Variants in LRRC61 observed in about 807,000 individuals in gnomAD.
The protein encoded by LRRC61 is leucine rich repeat containing 61.
In LRRC61, 9 loss-of-function variants were observed where a neutral mutation model predicts 15.1. The ratio of observed to expected loss-of-function variants is 0.60; its 90% CI spans 0.36 to 1.04. The LOEUF (loss-of-function observed/expected upper bound fraction) is 1.04, where lower values mean the gene tolerates loss of function less well. Among genes scored for constraint, LRRC61 ranks in the 50% least tolerant of loss-of-function variants. LRRC61 has a pLI of 0.01. For synonymous variants in LRRC61, 173 were observed against 158.6 expected (o/e 1.09, Z -0.68); for missense variants, 344 against 335.6 (o/e 1.03, Z -0.20).
the LRRC61 span, among the ~76,000 whole-genome samples, chr7:150,310,316 C>A: frequency 5.3e-5 from 8 of 152,116 alleles, no homozygotes; most frequent in Admixed American, 4.6e-4. Flanking sequence ...AACCTAATCA[C>A]CCTTACCCTG....
Position 150,337,243 on chromosome 7 carries a change from C to T in LRRC61, c.382C>T (p.Arg128Trp), listed in dbSNP as rs766204413. The T allele has an allele frequency of 1.3e-5, 21 of 1,603,884 alleles. 1 individual carries two copies. Among genetic ancestry groups the T allele is most frequent in the East Asian group, 4.5e-5 (2 of 44,888 alleles). Reference sequence around the variant, plus strand: ...TGGGCTACCGTGCCTGGAGTACCTGCGGCTCCGAGACCCTTTGGCCCGGCT... The same window carrying T: ...TGGGCTACCGTGCCTGGAGTACCTGTGGCTCCGAGACCCTTTGGCCCGGCT... ...LAGLPCLEYL[R>W]LRDPLARLSN... Residue 128 changes from arginine (R) to tryptophan (W), a missense_variant, in exon 3 of 3, where the codon CGG becomes TGG. Arg to Trp is a moderately radical substitution (Grantham distance 101). Transcript: ENST00000359623.
At chr7:150,328,066 TC>T (rs1445677723) in intron 2 of LRRC61, among the ~76,000 whole-genome samples, 3 of 152,226 alleles carry the variant, frequency 2.0e-5, no homozygotes, top group African/African-American at 7.2e-5. Context: ...CCTGACTTCT[TC>T]AGGCTGTTCT....
intron 2 of LRRC61, among the ~76,000 whole-genome samples, chr7:150,327,476 T>C (rs992074338): frequency 6.6e-6 from 1 of 152,174 alleles, no homozygotes. Flanking sequence ...AACATGGGGT[T>C]ACATTCATCT....
At chr7:150,323,848 C>G in intron 1 of LRRC61, 1 of 385,918 alleles carries the variant, frequency 2.6e-6, no homozygotes, top group South Asian at 1.9e-5. Context: ...TGTGCTGGAG[C>G]AGGATCACGG....
intron 1 of LRRC61, among the ~76,000 whole-genome samples, chr7:150,325,398 G>A (rs1187940263): frequency 1.3e-5 from 2 of 152,274 alleles, no homozygotes; most frequent in Non-Finnish European, 2.9e-5. Context: ...CAGCTTAGAA[G>A]CCCTTGGAAT....
Position 150,330,018 on chromosome 7 carries a change from G to A in LRRC61, c.-145+4008G>A, listed in dbSNP as rs1798054501. 2 of 185,182 alleles carry A rather than the reference G, an allele frequency of 1.1e-5. No homozygotes were observed. Among genetic ancestry groups the A allele is most frequent in the South Asian group, 1.3e-4 (1 of 7,894 alleles). 11.5% of individuals were successfully genotyped at this position (185,182 alleles called of 1,614,324 possible). ...GAGCAGCTGCCCCAGCCTGGAGCAG[G>A]CGGCCAAGGGTGAGGGCTGTTCCCC... On this transcript the variant is annotated intron_variant, in intron 2 of 2. Transcript: ENST00000359623. This position sits in a 1 kb window ranked among gnomAD's most constrained non-coding sequence, Gnocchi z 4.6.
chr7:150,313,432 TATG>T, the LRRC61 span, among the ~76,000 whole-genome samples: 2 of 152,210 alleles, frequency 1.3e-5, no homozygotes, highest in African/African-American at 4.8e-5. Context: ...ATGTCTGGGT[TATG>T]ATGATAAGGG....
chr7:150,337,038 C>T lies in LRRC61; in HGVS notation c.177C>T (p.Asp59=). ...LGECLGLEWL[D]LSGNALTHLG... ...AGTGCCTGGGCCTGGAGTGGCTGGA[C>T]CTATCAGGCAACGCGCTCACCCACC... is the stretch of plus-strand genomic sequence containing the variant. The change falls in exon 3 of 3, where the codon GAC becomes GAT. Residue 59 remains aspartate (D), a synonymous_variant. Transcript: ENST00000359623. 1 of 1,613,522 alleles carries T rather than the reference C, an allele frequency of 6.2e-7. No homozygotes were observed. Among genetic ancestry groups the T allele is most frequent in the South Asian group, 1.1e-5 (1 of 91,086 alleles).
chr7:150,338,104 T>C lies in LRRC61; in HGVS notation c.*463T>C. 1.8e-6 allele frequency: 1 copy of C among 563,400 alleles called. No individual in the cohort carries two copies. Among genetic ancestry groups the C allele is most frequent in the Non-Finnish European group, 2.9e-6 (1 of 350,056 alleles). The allele number at this position is 563,400 out of a possible 1,614,324, so 34.9% of individuals were successfully genotyped here. Reference sequence around the variant, plus strand: ...CACTTACCCCCTCCCCGCAGCACCTTCTCTGCCCGTTCTTGTCCACACATC... The same window carrying C: ...CACTTACCCCCTCCCCGCAGCACCTCCTCTGCCCGTTCTTGTCCACACATC... On this transcript the variant is annotated 3_prime_UTR_variant, in exon 3 of 3. Transcript: ENST00000359623.
intron 2 of LRRC61, among the ~76,000 whole-genome samples, chr7:150,327,710 A>G (rs1797990205): frequency 1.3e-5 from 2 of 151,666 alleles, no homozygotes; most frequent in South Asian, 2.1e-4. Flanking sequence ...AGTTCCAGCT[A>G]CTTGGGAGCT....
Position 150,337,275 on chromosome 7 carries a change from C to T in LRRC61, c.414C>T (p.Asn138=). 2 of 1,603,622 alleles carry T rather than the reference C, an allele frequency of 1.2e-6. No individual in the cohort carries two copies. Among genetic ancestry groups the T allele is most frequent in the Admixed American group, 1.7e-5 (1 of 60,026 alleles). Residue 138 remains asparagine (N), a synonymous_variant, in exon 3 of 3, where the codon AAC becomes AAT. Coordinates refer to ENST00000359623, the MANE Select transcript of LRRC61 (RefSeq NM_001142928.2). ...RLRDPLARLS[N]PLCANPSYWA... ...GAGACCCTTTGGCCCGGCTCAGCAA[C>T]CCGCTCTGTGCCAACCCCTCCTACT...
At chr7:150,334,137 T>A in intron 2 of LRRC61, 3 of 984,104 alleles carry the variant, frequency 3.0e-6, no homozygotes, top group Non-Finnish European at 3.6e-6. Context: ...GCTTCTTTGC[T>A]CTCTCCCTTT....
chr7:150,336,134 C>T (rs1343851889), intron 2 of LRRC61, among the ~76,000 whole-genome samples: 1 of 152,218 alleles, frequency 6.6e-6, no homozygotes, highest in East Asian at 1.9e-4. Flanking sequence ...TCCTTCAGGA[C>T]TAAAGGCCAA....
At chr7:150,314,874 C>T in the LRRC61 span, among the ~76,000 whole-genome samples, 1 of 149,788 alleles carries the variant, frequency 6.7e-6, no homozygotes, top group African/African-American at 2.4e-5. Flanking sequence ...CTCACTTGAA[C>T]CCCGGAGGTC....
chr7:150,320,096 T>C (rs1003699231), upstream of LRRC61, among the ~76,000 whole-genome samples: 11 of 152,238 alleles, frequency 7.2e-5, no homozygotes, highest in Middle Eastern at 3.2e-3. Context: ...TCTGAGCCCA[T>C]AGTGTGGATC....
chr7:150,323,359 T>C lies in LRRC61; in HGVS notation c.-516T>C, dbSNP rs1413698773. 6 of 283,540 alleles carry C rather than the reference T, an allele frequency of 2.1e-5. No homozygotes were observed. Among genetic ancestry groups the C allele is most frequent in the Non-Finnish European group, 4.1e-5 (6 of 145,598 alleles). 17.6% of individuals were successfully genotyped at this position (283,540 alleles called of 1,614,324 possible). A position where few individuals can be genotyped will look rare whatever the true frequency, so the allele number is the denominator to read the frequency against. On this transcript the variant is annotated 5_prime_UTR_variant, in exon 1 of 3. Coordinates refer to ENST00000359623, the MANE Select transcript of LRRC61 (RefSeq NM_001142928.2). The stretch of plus-strand genomic sequence containing the variant: ...GGCCCCCTGGGCGCGTTCCGGGAGC[T>C]CAGGCCTGCGGCGCTGGGAGAAGCA...
intron 1 of LRRC61, among the ~76,000 whole-genome samples, chr7:150,325,365 G>C (rs1216299620): frequency 6.6e-6 from 1 of 152,242 alleles, no homozygotes; most frequent in Non-Finnish European, 1.5e-5. Context: ...ATGGGCAGGC[G>C]TGCAGCCCAA....
At position 150,337,206 on chromosome 7, in the gene LRRC61, G is replaced by A. The variant is rs1214907262; in HGVS notation, c.345G>A (p.Leu115=). 1 of 1,605,956 alleles carries A rather than the reference G, an allele frequency of 6.2e-7. No individual in the cohort carries two copies. Among genetic ancestry groups the A allele is most frequent in the Non-Finnish European group, 8.5e-7 (1 of 1,179,886 alleles). Residue 115 remains leucine (L), a synonymous_variant, in exon 3 of 3, where the codon CTG becomes CTA. Transcript: ENST00000359623. ...AGNLLATPGQ[L]QCLAGLPCLE... is the part of the protein sequence containing the mutation. ...ACCTACTGGCCACCCCGGGCCAGCT[G>A]CAGTGTCTGGCTGGGCTACCGTGCC...
chr7:150,331,507 C>T (rs1050808653), intron 2 of LRRC61: 1 of 191,828 alleles, frequency 5.2e-6, no homozygotes, highest in African/African-American at 2.4e-5. Flanking sequence ...TGGGAGATGT[C>T]ATTTTCCATC....
Sources: gnomAD v4.1 joint callset for allele counts (sites outside exome capture counted in the v4.1 genomes callset) on GRCh38, gnomAD v4.1.1 for gene constraint, Gnocchi (gnomAD v3.1) non-coding constraint, MANE v1.5 for transcripts, NCBI Gene and HGNC (gene_info 2026-07-23, HGNC 2026-07-21) for gene names.